Variants in FBRS observed in about 807,000 individuals in gnomAD.
FBRS encodes the protein probable fibrosin-1.
In FBRS, 15 loss-of-function variants were observed where a neutral mutation model predicts 86.1. The ratio of observed to expected loss-of-function variants is 0.17; its 90% CI spans 0.12 to 0.27. The LOEUF is 0.27. FBRS is among the 10% of genes least tolerant of loss of function. The pLI, the probability that FBRS is intolerant of heterozygous loss-of-function variation, is 1.00. For synonymous variants in FBRS, 666 were observed against 575.8 expected (o/e 1.16, Z -2.24); for missense variants, 1,367 against 1,301.6 (o/e 1.05, Z -0.77).
rs1260139147 is a variant in FBRS at position 30,659,706 on chromosome 16, C to T, written c.188C>T (p.Pro63Leu). 8.6e-6 allele frequency: 9 copies of T among 1,043,606 alleles called. No homozygotes were observed. In the East Asian group the frequency reaches 1.6e-4, roughly 18 times the overall value. The allele number at this position is 1,043,606 out of a possible 1,614,324, so 64.6% of individuals were successfully genotyped here. Residue 63 changes from proline to leucine, a missense_variant, in exon 1 of 18, where the codon CCC (proline) becomes CTC (leucine). Pro to Leu is a moderately conservative substitution (Grantham distance 98, BLOSUM62 -3). This residue lies in a region of FBRS where 702 missense variants were observed against 598.7 expected (regional missense o/e 1.17). Transcript: ENST00000356166. ...TCGTCCTCGTCGTCGCCGCCGCCGC[C>T]CGCCAGGCCTTGGTCGTCAGCTTCG... ...GSSSSSSPPP[P>L]ARPWSSASSG...
intron 4 of FBRS, among the ~76,000 whole-genome samples, chr16:30,661,773 C>T (rs1002168951): frequency 2.0e-5 from 3 of 151,434 alleles, no homozygotes; most frequent in African/African-American, 7.3e-5. Flanking sequence ...TTGAGTTTAT[C>T]CTTAGGGGCG....
rs2052416186 is a variant in FBRS at position 30,658,803 on chromosome 16, C to A, written c.-716C>A. The A allele has an allele frequency of 6.6e-6, 1 of 152,002 alleles. No individual in the cohort carries two copies. Among genetic ancestry groups the A allele is most frequent in the Admixed American group, 6.5e-5 (1 of 15,270 alleles). The allele number at this position is 152,002 out of a possible 1,614,324, so 9.4% of individuals were successfully genotyped here. ...TTAAAGGGGTGGCCACTGAACTCGGCGGACTGCAACGCCAGCCTTAAAGGG... is the reference window on the plus strand; with the variant it reads ...TTAAAGGGGTGGCCACTGAACTCGGAGGACTGCAACGCCAGCCTTAAAGGG... On this transcript the variant is annotated 5_prime_UTR_variant, in exon 1 of 18. Coordinates refer to ENST00000356166, the MANE Select transcript of FBRS (RefSeq NM_001105079.3).
intron 16 of FBRS, 55 bp from the exon 17 acceptor site, chr16:30,668,717 G>C (rs2052552414): frequency 2.5e-6 from 4 of 1,584,026 alleles, no homozygotes; most frequent in Non-Finnish European, 3.4e-6. Context: ...GAGGAGGCCT[G>C]AACAGGGCCT....
At chr16:30,662,226 G>A in intron 4 of FBRS, 194 bp from the exon 5 acceptor site, 1 of 805,356 alleles carries the variant, frequency 1.2e-6, no homozygotes, top group South Asian at 1.9e-5. Context: ...GATTCTTGGG[G>A]TCAGCTGCTC....
rs985411167 is a variant in FBRS at position 30,669,507 on chromosome 16, T to A, written c.2805T>A (p.Pro935=). Residue 935 remains proline, a synonymous_variant, in exon 18 of 18, where the codon CCT becomes CCA. Transcript: ENST00000356166. This position sits in a 1 kb window ranked among gnomAD's most constrained non-coding sequence, Gnocchi z 5.9. ...LYSRLAPPPP[P]AAAPGTPHLL... The stretch of plus-strand genomic sequence containing the variant: ...GCCGCTTGGCTCCTCCACCACCACC[T>A]GCTGCGGCCCCGGGAACCCCTCACC... 2.8e-5 allele frequency: 45 copies of A among 1,613,110 alleles called. No individual in the cohort carries two copies. The highest frequency in any genetic ancestry group is 3.8e-5 in the Non-Finnish European group (45 of 1,179,772).
chr16:30,666,981 G>A lies in FBRS; in HGVS notation c.1866G>A (p.Glu622=). 6.2e-7 allele frequency: 1 copy of A among 1,609,654 alleles called. No individual in the cohort carries two copies. The highest frequency in any genetic ancestry group is 1.1e-5 in the South Asian group (1 of 90,032). Residue 622 remains glutamate (E), a synonymous_variant, in exon 13 of 18, where the codon GAG becomes GAA. Transcript: ENST00000356166. ...RVAYMILRHQ[E]KMKGDSHKLD... is the part of the protein sequence containing the mutation. ...CTTACATGATCCTGAGACACCAGGAGAAAATGAAGGTACTGGGGCCGGAGG... is the reference window on the plus strand; with the variant it reads ...CTTACATGATCCTGAGACACCAGGAAAAAATGAAGGTACTGGGGCCGGAGG...
rs1456473538 is a variant in FBRS at position 30,667,554 on chromosome 16, C to T, written c.2006C>T (p.Ala669Val). The change falls in exon 15 of 18, where the codon GCT becomes GTT. Residue 669 changes from alanine (A) to valine (V), a missense_variant. By Grantham distance (64) the Ala-to-Val change is moderately conservative. Transcript: ENST00000356166. ...CTCTCTGCCCCAGGTGCCGTCCACG[C>T]TGCAGCCAACCCTTTCACGGCAGCT... ...SLFTATGAVH[A>V]AANPFTAAPG... 6.5e-7 allele frequency: 1 copy of T among 1,540,812 alleles called. No individual in the cohort carries two copies. Among genetic ancestry groups the T allele is most frequent in the Non-Finnish European group, 8.8e-7 (1 of 1,141,926 alleles).
intron 6 of FBRS, 70 bp downstream of exon 6, chr16:30,662,929 G>C (rs2052478990): frequency 7.3e-7 from 1 of 1,364,780 alleles, no homozygotes. Flanking sequence ...ACACAGGATG[G>C]TACCTGTGGG....
Position 30,664,771 on chromosome 16 carries a change from C to G in FBRS, c.1414C>G (p.Pro472Ala). 6.4e-7 allele frequency: 1 copy of G among 1,552,502 alleles called. No homozygotes were observed. The highest frequency in any genetic ancestry group is 8.7e-7 in the Non-Finnish European group (1 of 1,147,430). ...TCGCTACCTGAATGCCCAGGGTGGC[C>G]CTGAGGTGGTGGGGGCAGGGGGCTC... ...NSRYLNAQGG[P>A]EVVGAGGSAR... Residue 472 changes from proline to alanine, a missense_variant, in exon 8 of 18, where the codon CCT becomes GCT. Physicochemically the swap from Pro to Ala is conservative, Grantham distance 27. Transcript: ENST00000356166.
Position 30,669,157 on chromosome 16 carries a change from G to A in FBRS, c.2455G>A (p.Glu819Lys), listed in dbSNP as rs1437339637. 2.6e-6 allele frequency: 4 copies of A among 1,561,266 alleles called. No individual in the cohort carries two copies. The Admixed American group carries it at 5.8e-5, about 22-fold the overall frequency. ...TGAGGAGGGGCCTCGGCCAACCAAG[G>A]AATCTGTGCGGGTAAAGGAAGAGCG... ...AGEEGPRPTK[E>K]SVRVKEERKE... is the part of the protein sequence containing the mutation. Residue 819 changes from glutamate (E) to lysine (K), a missense_variant, in exon 18 of 18, where the codon GAA (glutamate) becomes AAA (lysine). Transcript: ENST00000356166. This position sits in a 1 kb window ranked among gnomAD's most constrained non-coding sequence, Gnocchi z 5.9.
Position 30,661,666 on chromosome 16 carries a change from A to G in FBRS, c.705+333A>G, listed in dbSNP as rs527368783. 2.6e-5 allele frequency among the ~76,000 whole-genome samples: 4 copies of G among 152,274 alleles called. No homozygotes were observed. In the East Asian group the frequency reaches 7.7e-4, roughly 29 times the overall value. ...TGGGCCTTCTTCCCATCTTAGAATG[A>G]AGATCTAGATTCAAGTCTGAGCAGA... is the stretch of plus-strand genomic sequence containing the variant. On this transcript the variant is annotated intron_variant, in intron 4 of 17. Coordinates refer to ENST00000356166, the MANE Select transcript of FBRS (RefSeq NM_001105079.3).
rs1439785822 is a variant in FBRS, at chr16:30,661,162, G to T, written c.640-18G>T. 9 of 1,550,316 alleles carry T rather than the reference G, an allele frequency of 5.8e-6. No homozygotes were observed. Among genetic ancestry groups the T allele is most frequent in the Middle Eastern group, 3.4e-4 (2 of 5,924 alleles). The stretch of plus-strand genomic sequence containing the variant: ...TCAGCAGCCGCCTCCCTCACCTCTG[G>T]ACTCTGGTCTTCCTCAGGCGTCCTC... On this transcript the variant is annotated intron_variant, in intron 2 of 17. Coordinates refer to ENST00000356166, the MANE Select transcript of FBRS (RefSeq NM_001105079.3).
chr16:30,664,446 C>T lies in FBRS; in HGVS notation c.1287C>T (p.Thr429=). 2 of 1,426,334 alleles carry T rather than the reference C, an allele frequency of 1.4e-6. No homozygotes were observed. Among genetic ancestry groups the T allele is most frequent in the Non-Finnish European group, 1.8e-6 (2 of 1,086,112 alleles). 88.4% of individuals were successfully genotyped at this position (1,426,334 alleles called of 1,614,324 possible). A position where few individuals can be genotyped will look rare whatever the true frequency, so the allele number is the denominator to read the frequency against. The change falls in exon 7 of 18, where the codon ACC becomes ACT. Residue 429 remains threonine, a synonymous_variant. Transcript: ENST00000356166. ...CCTCCTTGTTCTCCCCTGGCCCCAC[C>T]CTGCCCCCACCCCCACCCCTGCTGC... ...HHPSLFSPGP[T]LPPPPPLLQV...
intron 1 of FBRS, 56 bp downstream of exon 1, chr16:30,660,033 G>T (rs1277175637): frequency 9.1e-6 from 14 of 1,531,854 alleles, no homozygotes; most frequent in Non-Finnish European, 1.1e-5. Flanking sequence ...AGCAAGGAGG[G>T]GGCAGTGCCC....
chr16:30,660,244 C>T lies in FBRS; in HGVS notation c.460-19C>T, dbSNP rs1052049351. On this transcript the variant is annotated intron_variant, in intron 1 of 17. Transcript: ENST00000356166. ...CTTGCCCTTTTCCATCTATCTCAGC[C>T]CCACCTCCTCCTCCACAGAAGGATG... 48 of 1,332,304 alleles carry T rather than the reference C, an allele frequency of 3.6e-5. No homozygotes were observed. The highest frequency in any genetic ancestry group is 1.8e-4 in the East Asian group (6 of 32,712). 82.5% of individuals were successfully genotyped at this position (1,332,304 alleles called of 1,614,324 possible). A position where few individuals can be genotyped will look rare whatever the true frequency, so the allele number is the denominator to read the frequency against.
In FBRS at chr16:30,660,440, G is replaced by A. The variant is rs925148690; in HGVS notation, c.637G>A (p.Glu213Lys). The A allele has an allele frequency of 4.0e-6, 5 of 1,258,202 alleles. No homozygotes were observed. The African/African-American group carries it at 4.7e-5, about 12-fold the overall frequency. 77.9% of individuals were successfully genotyped at this position (1,258,202 alleles called of 1,614,324 possible). Residue 213 changes from glutamate (E) to lysine (K), a missense_variant and splice_region_variant, in exon 2 of 18, where the codon GAG becomes AAG. Glu to Lys is a moderately conservative substitution (Grantham distance 56). Around this residue, in one of 3 missense-constraint regions of FBRS, gnomAD observed 702 missense variants for 598.7 expected, o/e 1.17. Transcript: ENST00000356166. ...ATGGCCCAATAAGCGGAGAAGAAAA[G>A]AGGTGAGGTTGTCCCTTAAAACTCT... ...RKWPNKRRRKEASSRHSLEAG... is the reference protein window; with the variant it reads ...RKWPNKRRRKKASSRHSLEAG...
Position 30,669,875 on chromosome 16 carries a change from C to T in FBRS, c.*230C>T, listed in dbSNP as rs1300600962. ...ACAGCCTCTAGAGAAGGGAGAGGGG[C>T]GTGTGCATGGGAGTGTGGCTCATCT... is the stretch of plus-strand genomic sequence containing the variant. On this transcript the variant is annotated 3_prime_UTR_variant, in exon 18 of 18. Coordinates refer to ENST00000356166, the MANE Select transcript of FBRS (RefSeq NM_001105079.3). This position sits in a 1 kb window ranked among gnomAD's most constrained non-coding sequence, Gnocchi z 5.9. The T allele has an allele frequency of 1.9e-5, 12 of 633,338 alleles. No individual in the cohort carries two copies. The highest frequency in any genetic ancestry group is 3.0e-5 in the Non-Finnish European group (11 of 370,176). The allele number at this position is 633,338 out of a possible 1,614,324, so 39.2% of individuals were successfully genotyped here.
Position 30,665,091 on chromosome 16 carries a change from TGTGC to T in FBRS, c.1608+16_1608+19del. 1.2e-6 allele frequency: 2 copies of T among 1,611,928 alleles called. No individual in the cohort carries two copies. Among genetic ancestry groups the T allele is most frequent in the Non-Finnish European group, 1.7e-6 (2 of 1,179,554 alleles). ...TTTTCCGACATAATGTGAGTGTGTG[TGTGC>T]GTGTGCGTATGGGGTGTGTGGTGTG... On this transcript the variant is annotated intron_variant, in intron 9 of 17. Transcript: ENST00000356166. This position sits in a 1 kb window ranked among gnomAD's most constrained non-coding sequence, Gnocchi z 4.1.
chr16:30,668,836 G>T lies in FBRS; in HGVS notation c.2223G>T (p.Pro741=). The T allele has an allele frequency of 1.3e-6, 2 of 1,595,506 alleles. No individual in the cohort carries two copies. The highest frequency in any genetic ancestry group is 2.3e-5 in the East Asian group (1 of 44,368). ...PGAPPAFASP[P]DPWGRLHRSP... is the part of the protein sequence containing the mutation. ...CCCCACCAGCCTTCGCCTCCCCACCGGACCCATGGGGCCGCCTGCACCGCA... is the reference window on the plus strand; with the variant it reads ...CCCCACCAGCCTTCGCCTCCCCACCTGACCCATGGGGCCGCCTGCACCGCA... Residue 741 remains proline, a synonymous_variant, in exon 17 of 18, where the codon CCG becomes CCT. Transcript: ENST00000356166.
Sources: gnomAD v4.1 joint callset for allele counts (sites outside exome capture counted in the v4.1 genomes callset) on GRCh38, gnomAD v4.1.1 for gene constraint, gnomAD v4.1.1 regional missense constraint, Gnocchi (gnomAD v3.1) non-coding constraint, MANE v1.5 for transcripts, NCBI Gene and HGNC (gene_info 2026-07-23, HGNC 2026-07-21) for gene names.